Variants in APOL3 observed in about 807,000 individuals in gnomAD.
The protein encoded by APOL3 is apolipoprotein L3.
A neutral mutation model predicts 11.6 loss-of-function variants in APOL3; 14 were observed. That is an observed-to-expected ratio of 1.21 (90% CI 0.80 to 1.89). The LOEUF (loss-of-function observed/expected upper bound fraction) is 1.89, where lower values mean the gene tolerates loss of function less well. APOL3 is among the 40% of genes most tolerant of loss of function. APOL3 has a pLI of 0.00. For missense variants in APOL3, 483 were observed against 492.1 expected (o/e 0.98, Z 0.17); for synonymous variants, 192 against 190.6 (o/e 1.01, Z -0.06).
intron 1 of APOL3, chr22:36,157,036 A>G (rs754167666): frequency 2.2e-6 from 1 of 455,736 alleles, no homozygotes; most frequent in Non-Finnish European, 4.4e-6. Flanking sequence ...TAAGACCATG[A>G]CTCTGATTTC....
chr22:36,147,290 C>A (rs1313616982), intron 1 of APOL3, among the ~76,000 whole-genome samples: 1 of 152,150 alleles, frequency 6.6e-6, no homozygotes, highest in Non-Finnish European at 1.5e-5. Context: ...TTTAGGCGGG[C>A]AGGGGAGCAA....
At chr22:36,141,240 G>C (rs770592599) in exon 3 of APOL3, 1 of 1,614,112 alleles carries the variant, frequency 6.2e-7, no homozygotes, top group Admixed American at 1.7e-5. Flanking sequence ...ATAGATCTGA[G>C]TGAGCTCCAT....
intron 2 of APOL3, among the ~76,000 whole-genome samples, chr22:36,144,814 C>A (rs1393336210): frequency 1.3e-5 from 2 of 151,960 alleles, no homozygotes; most frequent in African/African-American, 4.8e-5. Context: ...TCAAGACCAT[C>A]CTGGCTAACA....
chr22:36,152,952 A>T (rs2012032961), intron 1 of APOL3, among the ~76,000 whole-genome samples: 1 of 152,132 alleles, frequency 6.6e-6, no homozygotes, highest in East Asian at 1.9e-4. Flanking sequence ...CTACTAAAAA[A>T]ATGAAAAAAT....
At chr22:36,149,228 C>T in intron 1 of APOL3, 86 bp from the exon 2 acceptor site, 1 of 1,308,038 alleles carries the variant, frequency 7.6e-7, no homozygotes, top group South Asian at 1.2e-5. Context: ...CTCTGCAATC[C>T]CTTTGCGTGT....
intron 2 of APOL3, among the ~76,000 whole-genome samples, chr22:36,143,243 C>T (rs1020816096): frequency 6.6e-6 from 1 of 152,252 alleles, no homozygotes; most frequent in African/African-American, 2.4e-5. Context: ...GTCCCACATT[C>T]ACACAGGAGA....
At chr22:36,141,731 C>G (rs1404859373) in exon 3 of APOL3, 1 of 1,614,062 alleles carries the variant, frequency 6.2e-7, no homozygotes, top group South Asian at 1.1e-5. Flanking sequence ...ACGCTGCTCC[C>G]AGCCCTACCC....
At chr22:36,161,053 A>G, upstream of APOL3, 3 of 639,158 alleles carry the variant, frequency 4.7e-6, no homozygotes, top group Non-Finnish European at 5.5e-6. Context: ...GACCCTCCAG[A>G]TTACTCCCCA....
chr22:36,143,006 GCAGAAACCCCC>G (rs1344151178), intron 2 of APOL3, among the ~76,000 whole-genome samples: 4 of 152,184 alleles, frequency 2.6e-5, no homozygotes, highest in Non-Finnish European at 5.9e-5. Context: ...GGCCAGTTTA[GCAGAAACCCCC>G]CATTCTGGTG....
chr22:36,146,594 T>C (rs973265248), intron 1 of APOL3, among the ~76,000 whole-genome samples: 2 of 151,968 alleles, frequency 1.3e-5, no homozygotes, highest in Non-Finnish European at 2.9e-5. Flanking sequence ...TATACCCTTA[T>C]GTAAATTCCT....
At chr22:36,153,545 CG>C (rs1334878119) in intron 1 of APOL3, 17 of 382,406 alleles carry the variant, frequency 4.4e-5, no homozygotes, top group Non-Finnish European at 7.4e-5. Flanking sequence ...ACTCAACATA[CG>C]GGCTTCTTTT....
chr22:36,141,625 G>T, exon 3 of APOL3: 1 of 1,614,138 alleles, frequency 6.2e-7, no homozygotes. Context: ...ACCTTCAATC[G>T]GTCAATGCTG....
intron 1 of APOL3, chr22:36,156,696 C>A (rs2012917413): frequency 1.4e-5 from 4 of 282,980 alleles, no homozygotes; most frequent in Non-Finnish European, 2.2e-5. Context: ...CTGCAGCGTC[C>A]CCCAGCCCTC....
upstream of APOL3, among the ~76,000 whole-genome samples, chr22:36,163,618 A>T (rs964948439): frequency 6.6e-6 from 1 of 152,268 alleles, no homozygotes; most frequent in African/African-American, 2.4e-5. Flanking sequence ...TGCTGGGCAC[A>T]GCCATGGTCC....
intron 2 of APOL3, 119 bp from the exon 4 acceptor site, chr22:36,142,177 G>T: frequency 2.5e-6 from 3 of 1,179,208 alleles, no homozygotes; most frequent in Non-Finnish European, 2.3e-6. Context: ...TGGAAATAAA[G>T]CTTTAAATTT....
At chr22:36,153,380 G>A (rs1341957025) in intron 1 of APOL3, 1 of 456,206 alleles carries the variant, frequency 2.2e-6, no homozygotes, top group Non-Finnish European at 4.4e-6. Context: ...CCTGATGGGA[G>A]AAATGTCAGC....
chr22:36,163,834 T>A (rs2013793424), upstream of APOL3, among the ~76,000 whole-genome samples: 2 of 152,238 alleles, frequency 1.3e-5, no homozygotes, highest in Non-Finnish European at 2.9e-5. Flanking sequence ...ACTGATGATG[T>A]CTCCACAGAC....
upstream of APOL3, chr22:36,160,995 G>A: frequency 9.9e-7 from 1 of 1,014,702 alleles, no homozygotes; most frequent in Non-Finnish European, 1.5e-6. Context: ...TAGGGTTGGG[G>A]GTTTGCTGTG....
In APOL3 at chr22:36,165,947, C is replaced by T. The variant is rs369817905; in HGVS notation, c.-1854G>A. 7.2e-5 allele frequency: 11 copies of T among 152,288 alleles called. No individual in the cohort carries two copies. The East Asian group carries it at 1.7e-3, about 24-fold the overall frequency. 9.4% of individuals were successfully genotyped at this position (152,288 alleles called of 1,614,324 possible). On this transcript the variant is annotated 5_prime_UTR_variant, in exon 1 of 4. Transcript: ENST00000361710. ...AGGCTGACAGTGAAACAGCCCCTGGCCCACCTAAGTTTAGCCCCAGAACCG... is the reference window on the plus strand; with the variant it reads ...AGGCTGACAGTGAAACAGCCCCTGGTCCACCTAAGTTTAGCCCCAGAACCG...
Sources: allele counts gnomAD v4.1 joint callset (sites outside exome capture counted in the v4.1 genomes callset), GRCh38; gene constraint gnomAD v4.1.1; transcripts MANE v1.5; gene names NCBI Gene and HGNC (gene_info 2026-07-23, HGNC 2026-07-21).